TRPM2: variants seen among roughly 807,000 people sequenced by gnomAD.
The protein encoded by TRPM2 is estrogen-responsive element-associated gene 1 protein.
In TRPM2, 161 loss-of-function variants were observed where a neutral mutation model predicts 174.0. The ratio of observed to expected loss-of-function variants is 0.93; its 90% confidence interval spans 0.81 to 1.05. The LOEUF is 1.05. Ranked by LOEUF, TRPM2 falls within the 50% of genes least tolerant of loss-of-function variation. TRPM2 has a pLI of 0.00. For synonymous variants in TRPM2, 954 were observed against 861.3 expected (o/e 1.11, Z -1.88); for missense variants, 2,057 against 2,038.0 (o/e 1.01, Z -0.18).
chr21:44,368,959 C>G (rs539921160), intron 4 of TRPM2, among the ~76,000 whole-genome samples: 2 of 152,244 alleles, frequency 1.3e-5, no homozygotes, highest in South Asian at 2.1e-4. Context: ...CGGCAGGGAC[C>G]GGGAGAGGGG....
At chr21:44,402,488 C>A (rs373616208) in intron 16 of TRPM2, among the ~76,000 whole-genome samples, 1 of 152,112 alleles carries the variant, frequency 6.6e-6, no homozygotes, top group African/African-American at 2.4e-5. Context: ...GAGAGGCTCG[C>A]GGGCCTTGGT....
At chr21:44,360,819 G>A (rs754407902) in intron 2 of TRPM2, among the ~76,000 whole-genome samples, 15 of 151,884 alleles carry the variant, frequency 9.9e-5, no homozygotes, top group Non-Finnish European at 2.1e-4. Context: ...TGCCTGCCTC[G>A]GCCTCCCAAA....
chr21:44,378,970 G>A (rs765485807), intron 7 of TRPM2, 27 bp from the exon 8 acceptor site: 47 of 1,596,148 alleles, frequency 2.9e-5, no homozygotes, highest in Admixed American at 5.0e-5. Flanking sequence ...ACCCAGTCCC[G>A]GGCTCACACC....
intron 27 of TRPM2, among the ~76,000 whole-genome samples, chr21:44,433,617 G>A (rs924888769): frequency 1.3e-5 from 2 of 152,222 alleles, no homozygotes; most frequent in Admixed American, 6.5e-5. Context: ...TTCGAGCTGA[G>A]GTCCCCAAGC....
upstream of TRPM2, among the ~76,000 whole-genome samples, chr21:44,351,353 C>T (rs2122996916): frequency 1.3e-5 from 2 of 152,240 alleles, no homozygotes; most frequent in Non-Finnish European, 2.9e-5. Flanking sequence ...GCTGCCCCAA[C>T]CCACACTCCC....
Position 44,399,215 on chromosome 21 carries a change from G to A in TRPM2, c.2063-81G>A, listed in dbSNP as rs2049526773. ...CCCTGTGTCCTGGTGGTGCTGTCCC[G>A]AGTGGTTGCCCTCTGACCCGTCCCC... On this transcript the variant is annotated intron_variant, in intron 13 of 31. Transcript: ENST00000397928. This position sits in a 1 kb window ranked among gnomAD's most constrained non-coding sequence, Gnocchi z 4.6. 1.3e-5 allele frequency: 20 copies of A among 1,521,108 alleles called. No individual in the cohort carries two copies. The highest frequency in any genetic ancestry group is 5.1e-5 in the South Asian group (4 of 79,070). 94.2% of individuals were successfully genotyped at this position (1,521,108 alleles called of 1,614,324 possible).
At chr21:44,398,472 A>G (rs1443901823) in intron 13 of TRPM2, among the ~76,000 whole-genome samples, 1 of 152,166 alleles carries the variant, frequency 6.6e-6, no homozygotes, top group Non-Finnish European at 1.5e-5. Context: ...AAGTGCTGGG[A>G]TTACAGGCGT....
intron 8 of TRPM2, among the ~76,000 whole-genome samples, chr21:44,382,308 T>G (rs1047726210): frequency 3.2e-4 from 49 of 152,238 alleles, no homozygotes; most frequent in African/African-American, 1.2e-3. Context: ...GATAGATAGA[T>G]GGATAGATGC....
chr21:44,386,057 A>C (rs1161178197), intron 9 of TRPM2, among the ~76,000 whole-genome samples: 2 of 152,204 alleles, frequency 1.3e-5, no homozygotes, highest in East Asian at 3.9e-4. Context: ...AAATGAATTC[A>C]GCAAAGTAGC....
chr21:44,410,119 TTG>T (rs2050052229), intron 19 of TRPM2, among the ~76,000 whole-genome samples: 1 of 96,768 alleles, frequency 1.0e-5, no homozygotes, highest in Non-Finnish European at 2.4e-5. Flanking sequence ...GAGCGTAGCC[TTG>T]TAGTAAGTTT....
intron 8 of TRPM2, 73 bp from the exon 9 acceptor site, chr21:44,382,645 A>C (rs973936014): frequency 4.7e-6 from 7 of 1,478,916 alleles, no homozygotes; most frequent in Non-Finnish European, 6.5e-6. Flanking sequence ...CCGGGGCCTC[A>C]ATTCTATGTG....
chr21:44,407,692 T>C (rs2049953493), intron 19 of TRPM2, among the ~76,000 whole-genome samples: 1 of 151,742 alleles, frequency 6.6e-6, no homozygotes, highest in African/African-American at 2.4e-5. Context: ...GATGATGTAA[T>C]AGGCAGTCTT....
Position 44,399,685 on chromosome 21 carries a change from C to A in TRPM2, c.2208+244C>A, listed in dbSNP as rs770152025. On this transcript the variant is annotated intron_variant, in intron 14 of 31. Coordinates refer to ENST00000397928, the MANE Select transcript of TRPM2 (RefSeq NM_003307.4). The surrounding 1 kb of genome is among the most constrained non-coding windows in gnomAD (Gnocchi z 4.6). The stretch of plus-strand genomic sequence containing the variant: ...GCCATGGAGATCGCAATTCACCTCC[C>A]CATGGATGTTCCTACCTGGGAGCGG... Among the ~76,000 whole-genome samples, 3 of 152,190 alleles carry A rather than the reference C, an allele frequency of 2.0e-5. No individual in the cohort carries two copies. In the East Asian group the frequency reaches 5.8e-4, roughly 29 times the overall value.
At chr21:44,351,228 T>C (rs1293166109), upstream of TRPM2, among the ~76,000 whole-genome samples, 2 of 152,176 alleles carry the variant, frequency 1.3e-5, no homozygotes, top group Non-Finnish European at 2.9e-5. Context: ...ACGAGTCTTC[T>C]TGAATTCGGC....
At chr21:44,365,512 G>T (rs998489719) in intron 3 of TRPM2, among the ~76,000 whole-genome samples, 1 of 152,174 alleles carries the variant, frequency 6.6e-6, no homozygotes. Flanking sequence ...CCCCTCTGTC[G>T]CTGTGGTCAC....
chr21:44,429,012 T>C (rs899981047), intron 27 of TRPM2, among the ~76,000 whole-genome samples: 1 of 152,230 alleles, frequency 6.6e-6, no homozygotes, highest in Non-Finnish European at 1.5e-5. Flanking sequence ...TTTTTGTGAG[T>C]TTAAAAGCCA....
intron 16 of TRPM2, among the ~76,000 whole-genome samples, chr21:44,402,594 C>T (rs1430811139): frequency 6.6e-6 from 1 of 152,186 alleles, no homozygotes; most frequent in Admixed American, 6.5e-5. Flanking sequence ...TGCCCGGGGC[C>T]CCACCCCAAA....
chr21:44,379,969 A>G (rs1328162261), intron 8 of TRPM2, among the ~76,000 whole-genome samples: 5 of 152,164 alleles, frequency 3.3e-5, no homozygotes, highest in Non-Finnish European at 7.3e-5. Context: ...AGTGGCTGAC[A>G]TGCGCTTTCC....
At position 44,440,906 on chromosome 21, in the gene TRPM2, G is replaced by A. The variant is rs201358405; in HGVS notation, c.4386+1G>A. On this transcript the variant is annotated splice_donor_variant, in intron 31 of 31. Coordinates refer to ENST00000397928, the MANE Select transcript of TRPM2 (RefSeq NM_003307.4). LOFTEE classifies it high-confidence loss of function. ...CGTGGAGCTGAACAGGCTGAACTCT[G>A]TATGTGCCTGGCCTCCCTGGAGGCG... 1.9e-6 allele frequency: 3 copies of A among 1,613,414 alleles called. No individual in the cohort carries two copies. Among genetic ancestry groups the A allele is most frequent in the Admixed American group, 3.3e-5 (2 of 60,024 alleles).
Sources: gnomAD v4.1 joint callset for allele counts (sites outside exome capture counted in the v4.1 genomes callset) on GRCh38, gnomAD v4.1.1 for gene constraint, Gnocchi (gnomAD v3.1) non-coding constraint, MANE v1.5 for transcripts, NCBI Gene and HGNC (gene_info 2026-07-23, HGNC 2026-07-21) for gene names.